Variants in PPP2R3A observed in about 807,000 individuals in gnomAD.
The protein encoded by PPP2R3A is serine/threonine-protein phosphatase 2A regulatory subunit B'' subunit alpha.
In PPP2R3A, 80 loss-of-function variants were observed where a neutral mutation model predicts 106.9. That is an observed-to-expected ratio of 0.75 (90% CI 0.62 to 0.90). The LOEUF is 0.90. Among genes scored for constraint, PPP2R3A ranks in the 40% least tolerant of loss-of-function variants. The pLI is 0.00. For missense variants in PPP2R3A, 1,386 were observed against 1,350.4 expected, an observed-to-expected ratio of 1.03 and a Z score of -0.41; for synonymous variants, 483 against 468.3, an observed-to-expected ratio of 1.03 and a Z score of -0.41.
chr3:136,075,092 T>C (rs918384337), intron 6 of PPP2R3A, among the ~76,000 whole-genome samples: 2 of 152,212 alleles, frequency 1.3e-5, no homozygotes, highest in African/African-American at 2.4e-5. Flanking sequence ...TTTCAAAAAC[T>C]ATATGACAGA....
At chr3:136,028,082 G>A (rs565133102) in intron 3 of PPP2R3A, among the ~76,000 whole-genome samples, 43 of 152,234 alleles carry the variant, frequency 2.8e-4, no homozygotes, top group South Asian at 6.2e-4. Context: ...CTGTATAAGC[G>A]TGACCCTCTT....
At chr3:136,053,294 TA>T (rs1362915165) in intron 5 of PPP2R3A, among the ~76,000 whole-genome samples, 2 of 151,710 alleles carry the variant, frequency 1.3e-5, no homozygotes, top group East Asian at 3.9e-4. Context: ...AATAAAAGTT[TA>T]AAAAAGATTC....
intron 2 of PPP2R3A, among the ~76,000 whole-genome samples, chr3:136,017,935 G>C (rs1934335303): frequency 6.6e-6 from 1 of 152,184 alleles, no homozygotes; most frequent in South Asian, 2.1e-4. Flanking sequence ...ACCACATTCA[G>C]CTGAGACTGT....
At chr3:136,118,999 C>T (rs775667173) in intron 13 of PPP2R3A, among the ~76,000 whole-genome samples, 8 of 152,306 alleles carry the variant, frequency 5.3e-5, no homozygotes, top group Admixed American at 1.3e-4. Flanking sequence ...ACAAAAACAG[C>T]ATGATACTGG....
intron 12 of PPP2R3A, among the ~76,000 whole-genome samples, chr3:136,103,885 A>G (rs990737504): frequency 5.9e-5 from 9 of 152,184 alleles, no homozygotes; most frequent in African/African-American, 2.2e-4. Flanking sequence ...TTTTGAATGC[A>G]TTCTACATCT....
intron 3 of PPP2R3A, among the ~76,000 whole-genome samples, chr3:136,033,513 C>G (rs1032981286): frequency 1.3e-5 from 2 of 152,142 alleles, no homozygotes; most frequent in African/African-American, 4.8e-5. Flanking sequence ...ATCCGTCTGT[C>G]CTTGACTTTT....
chr3:136,090,387 A>T (rs1000687571), intron 9 of PPP2R3A, among the ~76,000 whole-genome samples, 191 bp from the exon 10 acceptor site: 3 of 152,186 alleles, frequency 2.0e-5, no homozygotes, highest in African/African-American at 7.2e-5. Context: ...ATATTTGCAA[A>T]TGCCTTCTGG....
intron 10 of PPP2R3A, among the ~76,000 whole-genome samples, chr3:136,095,893 G>A (rs1937204320): frequency 6.6e-6 from 1 of 152,132 alleles, no homozygotes; most frequent in Non-Finnish European, 1.5e-5. Flanking sequence ...TCCACTTACA[G>A]TAGGGCTACA....
At chr3:136,044,926 T>C (rs1935421501) in intron 4 of PPP2R3A, among the ~76,000 whole-genome samples, 1 of 152,326 alleles carries the variant, frequency 6.6e-6, no homozygotes, top group East Asian at 1.9e-4. Context: ...CTTGGAGAGC[T>C]GGCAGAGACA....
At chr3:135,981,093 C>T (rs553415013) in intron 1 of PPP2R3A, among the ~76,000 whole-genome samples, 1 of 152,054 alleles carries the variant, frequency 6.6e-6, no homozygotes, top group African/African-American at 2.4e-5. Context: ...GGGATTTGGA[C>T]ATAAGCTCTT....
At chr3:135,998,611 C>T (rs1933497432) in intron 1 of PPP2R3A, among the ~76,000 whole-genome samples, 1 of 152,134 alleles carries the variant, frequency 6.6e-6, no homozygotes, top group Admixed American at 6.5e-5. Flanking sequence ...CATCTTTTGA[C>T]TCAACATTTT....
At chr3:136,022,983 C>G (rs1251765040) in intron 2 of PPP2R3A, 13 of 1,577,004 alleles carry the variant, frequency 8.2e-6, no homozygotes, top group Non-Finnish European at 9.4e-6. Flanking sequence ...AAATACCTTC[C>G]TACCTGACAA....
chr3:136,103,510 A>G (rs1937434442), intron 12 of PPP2R3A, 134 bp downstream of exon 12: 1 of 644,868 alleles, frequency 1.6e-6, no homozygotes, highest in African/African-American at 1.9e-5. Context: ...AAAGACTAAA[A>G]AGAGACAATA....
At position 136,147,378 on chromosome 3, in the gene PPP2R3A, A is replaced by G. The variant is rs1322848095; in HGVS notation, c.*2212A>G. 3 of 152,670 alleles carry G rather than the reference A, an allele frequency of 2.0e-5. No homozygotes were observed. Among genetic ancestry groups the G allele is most frequent in the East Asian group, 1.9e-4 (1 of 5,202 alleles). The allele number at this position is 152,670 out of a possible 1,614,324, so 9.5% of individuals were successfully genotyped here. A position where few individuals can be genotyped will look rare whatever the true frequency, so the allele number is the denominator to read the frequency against. ...GACCCCATTCTCTTACAAAGTCTCT[A>G]TTATAAAAGTACATCCATCAATACC... On this transcript the variant is annotated 3_prime_UTR_variant, in exon 14 of 14. Transcript: ENST00000264977.
At chr3:136,032,465 A>G (rs1404667311) in intron 3 of PPP2R3A, among the ~76,000 whole-genome samples, 1 of 151,124 alleles carries the variant, frequency 6.6e-6, no homozygotes, top group African/African-American at 2.4e-5. Context: ...AAACGATCAT[A>G]TCATCAGCAA....
intron 1 of PPP2R3A, among the ~76,000 whole-genome samples, chr3:135,966,234 C>T (rs1937080635): frequency 6.6e-6 from 1 of 152,228 alleles, no homozygotes; most frequent in African/African-American, 2.4e-5. Context: ...ACAGGAAAGC[C>T]TGGCAGAGAA....
At chr3:136,057,857 A>T (rs1035093258) in intron 5 of PPP2R3A, among the ~76,000 whole-genome samples, 12 of 152,190 alleles carry the variant, frequency 7.9e-5, no homozygotes, top group Non-Finnish European at 7.4e-5. Context: ...TGAGAATGTA[A>T]ATTAGTATAG....
intron 13 of PPP2R3A, among the ~76,000 whole-genome samples, chr3:136,129,206 C>A (rs1306940554): frequency 2.7e-5 from 4 of 145,872 alleles, no homozygotes; most frequent in Admixed American, 6.8e-5. Context: ...AAAAAAAAAA[C>A]CTTCAAAAAA....
intron 13 of PPP2R3A, among the ~76,000 whole-genome samples, chr3:136,108,512 G>A (rs960566857): frequency 2.0e-5 from 3 of 151,984 alleles, no homozygotes; most frequent in African/African-American, 7.2e-5. Flanking sequence ...TTAGACAAAA[G>A]AATATATGAA....
Sources: allele counts gnomAD v4.1 joint callset (sites outside exome capture counted in the v4.1 genomes callset), GRCh38; gene constraint gnomAD v4.1.1; transcripts MANE v1.5; gene names NCBI Gene and HGNC (gene_info 2026-07-23, HGNC 2026-07-21).